Variants in PPIP5K1 observed in about 807,000 individuals in gnomAD.
PPIP5K1 encodes the protein inositol hexakisphosphate and diphosphoinositol-pentakisphosphate kinase 1.
PPIP5K1 carries 6 observed loss-of-function variants against 27.7 expected under a neutral mutation model. That is an observed-to-expected ratio of 0.22 (90% CI 0.12 to 0.43). The LOEUF (loss-of-function observed/expected upper bound fraction) is 0.43, where lower values mean the gene tolerates loss of function less well. PPIP5K1 is among the 20% of genes least tolerant of loss of function. The probability of loss-of-function intolerance (pLI) is 1.00; values close to 1 mark genes in which losing one functional copy is unlikely to be tolerated. For missense variants in PPIP5K1, 394 were observed against 635.4 expected (o/e 0.62, Z 4.08); for synonymous variants, 145 against 242.6 (o/e 0.60, Z 3.74).
intron 30 of PPIP5K1, among the ~76,000 whole-genome samples, chr15:43,543,625 A>G (rs1191504956): frequency 6.6e-6 from 1 of 152,172 alleles, no homozygotes; most frequent in East Asian, 1.9e-4. Flanking sequence ...GCATAGTACT[A>G]GAAAAAGCAC....
chr15:43,557,292 C>G (rs1210328339), intron 30 of PPIP5K1, among the ~76,000 whole-genome samples: 2 of 151,996 alleles, frequency 1.3e-5, no homozygotes, highest in Non-Finnish European at 2.9e-5. Context: ...ACTAAAAATA[C>G]AAAAATTAGC....
chr15:43,579,383 T>TACACACACAC lies in PPIP5K1; in HGVS notation c.1062-273_1062-264dup, dbSNP rs371291746. On this transcript the variant is annotated intron_variant, in intron 10 of 31. Coordinates refer to ENST00000420765, the MANE Select transcript of PPIP5K1 (RefSeq NM_001394395.1). ...GGAGTACATAGGGGCTTCGATTATA[T>TACACACACAC]ACACACACACACACACACACACACA... Among the ~76,000 whole-genome samples, 216 of 84,288 alleles carry TACACACACAC rather than the reference T, an allele frequency of 2.6e-3. 10 individuals carry two copies. Among genetic ancestry groups the TACACACACAC allele is most frequent in the East Asian group, 0.021 (43 of 2,010 alleles). 55.3% of individuals were successfully genotyped at this position (84,288 alleles called of 152,430 possible).
chr15:43,555,875 G>A (rs556232776), intron 30 of PPIP5K1, among the ~76,000 whole-genome samples: 2 of 152,096 alleles, frequency 1.3e-5, no homozygotes, highest in Admixed American at 1.3e-4. Context: ...CAAAGTGTTA[G>A]GATTACAGGC....
chr15:43,580,521 G>C (rs62018886), intron 10 of PPIP5K1, among the ~76,000 whole-genome samples: 18,282 of 120,660 alleles, frequency 0.15, 425 homozygotes, highest in Middle Eastern at 0.26. Context: ...CTCTGGGAGG[G>C]GCAGTGTTAG....
At position 43,535,068 on chromosome 15, in the gene PPIP5K1, A is replaced by T; in HGVS notation, c.4079T>A (p.Val1360Asp). Residue 1360 changes from valine to aspartate, a missense_variant, in exon 32 of 32, where the codon GTC (valine) becomes GAC (aspartate). This residue lies in a region of PPIP5K1 where 379 missense variants were observed against 423.9 expected (regional missense o/e 0.89). Transcript: ENST00000420765. ...CTGGCATGGCTGGCTGATGTGAGGGACCTCCTGGCATGTGTGGTTACCATT... is the reference window on the plus strand; with the variant it reads ...CTGGCATGGCTGGCTGATGTGAGGGTCCTCCTGGCATGTGTGGTTACCATT... Reference protein sequence around the residue: ...HDNGNHTCQEVPHISQPCQKS... With the variant: ...HDNGNHTCQEDPHISQPCQKS... The T allele has an allele frequency of 6.2e-7, 1 of 1,612,612 alleles. No homozygotes were observed. The highest frequency in any genetic ancestry group is 8.5e-7 in the Non-Finnish European group (1 of 1,179,760).
At chr15:43,555,837 C>T (rs1240585017) in intron 30 of PPIP5K1, among the ~76,000 whole-genome samples, 1 of 151,870 alleles carries the variant, frequency 6.6e-6, no homozygotes, top group African/African-American at 2.4e-5. Flanking sequence ...AACTTCTAAG[C>T]TTGGGCAATC....
chr15:43,534,973 C>G lies in PPIP5K1; in HGVS notation c.4174G>C (p.Val1392Leu). 6.2e-7 allele frequency: 1 copy of G among 1,613,586 alleles called. No individual in the cohort carries two copies. The highest frequency in any genetic ancestry group is 1.6e-4 in the Middle Eastern group (1 of 6,062). ...CQLCLENSEEVSQPCQGVSVE... is the reference protein window; with the variant it reads ...CQLCLENSEELSQPCQGVSVE... The stretch of plus-strand genomic sequence containing the variant: ...GAGACCCCCTGGCATGGCTGGCTGA[C>G]CTCCTCGGAGTTCTCCAGACATAGC... The change falls in exon 32 of 32, where the codon GTC (valine) becomes CTC (leucine). Residue 1392 changes from valine (V) to leucine (L), a missense_variant. This residue lies in a region of PPIP5K1 where 379 missense variants were observed against 423.9 expected (regional missense o/e 0.89). Coordinates refer to ENST00000420765, the MANE Select transcript of PPIP5K1 (RefSeq NM_001394395.1).
chr15:43,538,581 C>T (rs1412892202), intron 31 of PPIP5K1, among the ~76,000 whole-genome samples: 1 of 152,102 alleles, frequency 6.6e-6, no homozygotes, highest in African/African-American at 2.4e-5. Flanking sequence ...GGCTGGAGTG[C>T]ATTGGCGCCA....
chr15:43,558,115 G>A (rs2141091819), intron 30 of PPIP5K1, among the ~76,000 whole-genome samples: 1 of 149,970 alleles, frequency 6.7e-6, no homozygotes, highest in Non-Finnish European at 1.5e-5. Flanking sequence ...AGGCTGGAGT[G>A]CAGTGGTGCG....
At chr15:43,556,571 A>G (rs934503821) in intron 30 of PPIP5K1, among the ~76,000 whole-genome samples, 5 of 151,030 alleles carry the variant, frequency 3.3e-5, no homozygotes, top group Admixed American at 1.3e-4. Context: ...TTCTGAGGCC[A>G]GGCACAGGTT....
At chr15:43,549,043 AAAAAAAAAAAAAAATATAT>A (rs1210355157) in intron 30 of PPIP5K1, among the ~76,000 whole-genome samples, 21 of 96,938 alleles carry the variant, frequency 2.2e-4, no homozygotes, top group South Asian at 6.0e-4. Flanking sequence ...AAAAAAAAAA[AAAAAAAAAAAAAAATATAT>A]ATATATATAT....
intron 10 of PPIP5K1, among the ~76,000 whole-genome samples, chr15:43,579,381 T>TAC (rs879415771): frequency 0.018 from 580 of 31,890 alleles, 19 homozygotes; most frequent in Middle Eastern, 0.11. Context: ...GCTTCGATTA[T>TAC]ATACACACAC....
intron 31 of PPIP5K1, among the ~76,000 whole-genome samples, chr15:43,538,308 T>C (rs1431290383): frequency 6.6e-6 from 1 of 152,218 alleles, no homozygotes; most frequent in African/African-American, 2.4e-5. Context: ...CCACCTCCAA[T>C]TACCACCAGT....
rs1186058698 is a variant in PPIP5K1 at position 43,542,311 on chromosome 15, G to T, written c.3557-2728C>A. ...TTTACTTAATTTTGGCGGGGGGGGGGGGCAGAGTCTTGCTCTGTCACCCAT... is the reference window on the plus strand; with the variant it reads ...TTTACTTAATTTTGGCGGGGGGGGGTGGCAGAGTCTTGCTCTGTCACCCAT... On this transcript the variant is annotated intron_variant, in intron 30 of 31. Transcript: ENST00000420765. 3.3e-5 allele frequency among the ~76,000 whole-genome samples: 5 copies of T among 151,062 alleles called. No individual in the cohort carries two copies. In the South Asian group the frequency reaches 1.1e-3, roughly 32 times the overall value.
At chr15:43,551,805 G>A (rs1187208871) in intron 30 of PPIP5K1, among the ~76,000 whole-genome samples, 4 of 151,222 alleles carry the variant, frequency 2.6e-5, no homozygotes, top group South Asian at 2.1e-4. Flanking sequence ...GGGTTTCACC[G>A]TTTTAGCCGG....
intron 30 of PPIP5K1, among the ~76,000 whole-genome samples, chr15:43,553,365 G>A (rs2082482870): frequency 6.6e-6 from 1 of 150,984 alleles, no homozygotes; most frequent in Non-Finnish European, 1.5e-5. Context: ...ATAGAGACAG[G>A]ATCTCACTCT....
At chr15:43,545,839 T>C (rs2081306794) in intron 30 of PPIP5K1, among the ~76,000 whole-genome samples, 1 of 152,200 alleles carries the variant, frequency 6.6e-6, no homozygotes, top group South Asian at 2.1e-4. Flanking sequence ...TTCTGTGGCA[T>C]TTAGTACACC....
rs374597988 is a variant in PPIP5K1 at position 43,555,766 on chromosome 15, C to T, written c.3556+3029G>A. ...GACTACAGGTGCATGCCACCATGCC[C>T]GGCTAATTTTTTGTATTTTAGTAGA... is the stretch of plus-strand genomic sequence containing the variant. On this transcript the variant is annotated intron_variant, in intron 30 of 31. Transcript: ENST00000420765. Among the ~76,000 whole-genome samples the T allele has an allele frequency of 3.5e-4, 53 of 151,668 alleles. No homozygotes were observed. The South Asian group carries it at 9.2e-3, about 26-fold the overall frequency.
At chr15:43,538,181 A>C (rs1238636002) in intron 31 of PPIP5K1, among the ~76,000 whole-genome samples, 1 of 152,222 alleles carries the variant, frequency 6.6e-6, no homozygotes, top group Non-Finnish European at 1.5e-5. Context: ...TCCAATGCTG[A>C]ATGAAGTAAG....
Sources: gnomAD v4.1 joint callset for allele counts (sites outside exome capture counted in the v4.1 genomes callset) on GRCh38, gnomAD v4.1.1 for gene constraint, gnomAD v4.1.1 regional missense constraint, MANE v1.5 for transcripts, NCBI Gene and HGNC (gene_info 2026-07-23, HGNC 2026-07-21) for gene names.